GPR158: variants seen among roughly 807,000 people sequenced by gnomAD.
GPR158 encodes the protein metabotropic glycine receptor.
A neutral mutation model predicts 78.2 loss-of-function variants in GPR158; 30 were observed. That is an observed-to-expected ratio of 0.38 (90% CI 0.29 to 0.52). The LOEUF (loss-of-function observed/expected upper bound fraction) is 0.52. Among genes scored for constraint, GPR158 ranks in the 20% least tolerant of loss-of-function variants. GPR158 has a pLI of 0.83. For missense variants in GPR158, 1,463 were observed against 1,523.5 expected (o/e 0.96, Z 0.66); for synonymous variants, 581 against 591.1 (o/e 0.98, Z 0.25).
rs796769627 is a variant in GPR158, at chr10:25,387,556, C to A, written c.1009-8355C>A. On this transcript the variant is annotated intron_variant, in intron 2 of 10. Coordinates refer to ENST00000376351, the MANE Select transcript of GPR158 (RefSeq NM_020752.3). ...TTTGAGACAGGGTGTTGCTCTGTCACCCAGGCTGGAGTGCAGTGGCATGAT... is the reference window on the plus strand; with the variant it reads ...TTTGAGACAGGGTGTTGCTCTGTCAACCAGGCTGGAGTGCAGTGGCATGAT... 3.3e-5 allele frequency among the ~76,000 whole-genome samples: 5 copies of A among 149,698 alleles called. No individual in the cohort carries two copies. In the South Asian group the frequency reaches 8.4e-4, roughly 25 times the overall value.
chr10:25,530,075 G>C (rs569525755), intron 5 of GPR158, among the ~76,000 whole-genome samples: 1 of 152,092 alleles, frequency 6.6e-6, no homozygotes, highest in Non-Finnish European at 1.5e-5. Context: ...CTTCTTATAG[G>C]TTGTAGGTGG....
chr10:25,196,621 T>C (rs942142986), intron 1 of GPR158, among the ~76,000 whole-genome samples: 1 of 152,248 alleles, frequency 6.6e-6, no homozygotes. Flanking sequence ...GCCTTGACTA[T>C]TGGGCTTCTT....
intron 3 of GPR158, among the ~76,000 whole-genome samples, chr10:25,405,242 T>C (rs142562797): frequency 6.0e-5 from 9 of 150,684 alleles, no homozygotes; most frequent in African/African-American, 2.0e-4. Flanking sequence ...AGAAATAACA[T>C]TTTCTAGTAA....
In GPR158 at chr10:25,598,187, G is replaced by A. The variant is rs141063177; in HGVS notation, c.2561G>A (p.Gly854Asp). The change falls in exon 11 of 11, where the codon GGT (glycine) becomes GAT (aspartate). Residue 854 changes from glycine to aspartate, a missense_variant. Transcript: ENST00000376351. ...TENSTLESLS[G>D]KKLTQKLKED... ...AATTCCACACTGGAATCCCTGTCGG[G>A]TAAAAAACTAACACAAAAACTAAAA... 344 of 1,614,114 alleles carry A rather than the reference G, an allele frequency of 2.1e-4. No homozygotes were observed. In the African/African-American group the frequency reaches 3.2e-3, roughly 15 times the overall value.
chr10:25,306,308 T>A (rs7071606), intron 2 of GPR158, among the ~76,000 whole-genome samples: 30,804 of 152,162 alleles, frequency 0.2, 5,267 homozygotes, highest in African/African-American at 0.47. Flanking sequence ...CCTTAGTTTT[T>A]ACTTAGTACT....
At chr10:25,393,364 G>A (rs1189510054) in intron 2 of GPR158, among the ~76,000 whole-genome samples, 2 of 152,174 alleles carry the variant, frequency 1.3e-5, no homozygotes, top group Non-Finnish European at 2.9e-5. Flanking sequence ...GAATTCTAAT[G>A]TAGTCTTAGT....
At chr10:25,302,286 G>A (rs1448571708) in intron 2 of GPR158, among the ~76,000 whole-genome samples, 4 of 148,804 alleles carry the variant, frequency 2.7e-5, no homozygotes, top group African/African-American at 9.9e-5. Flanking sequence ...GAGTTTCACC[G>A]TGTTAGCCAG....
intron 2 of GPR158, among the ~76,000 whole-genome samples, chr10:25,351,794 T>C (rs1183041521): frequency 1.3e-5 from 2 of 151,064 alleles, no homozygotes; most frequent in Non-Finnish European, 2.9e-5. Context: ...GCAGGTTTGT[T>C]TCATAGGTAA....
rs529828482 is a variant in GPR158, at chr10:25,367,945, T to A, written c.1009-27966T>A. Among the ~76,000 whole-genome samples, 6 of 151,992 alleles carry A rather than the reference T, an allele frequency of 3.9e-5. No homozygotes were observed. The South Asian group carries it at 1.0e-3, about 26-fold the overall frequency. The stretch of plus-strand genomic sequence containing the variant: ...TTTTCAGTGATTGTAATAAACAGGC[T>A]GGATTTCCAATTGCCTGAGGGCTGC... On this transcript the variant is annotated intron_variant, in intron 2 of 10. Transcript: ENST00000376351.
chr10:25,204,958 A>G (rs1202443456), intron 1 of GPR158, among the ~76,000 whole-genome samples: 1 of 151,502 alleles, frequency 6.6e-6, no homozygotes, highest in Non-Finnish European at 1.5e-5. Context: ...CCAGTGGGAG[A>G]TAATTGAATC....
chr10:25,369,993 T>C (rs1183492363), intron 2 of GPR158, among the ~76,000 whole-genome samples: 1 of 146,710 alleles, frequency 6.8e-6, no homozygotes, highest in African/African-American at 2.5e-5. Flanking sequence ...AGTTTGTATT[T>C]CTGTGGGATC....
intron 5 of GPR158, among the ~76,000 whole-genome samples, chr10:25,497,238 G>T (rs941480013): frequency 6.6e-6 from 1 of 152,174 alleles, no homozygotes; most frequent in South Asian, 2.1e-4. Context: ...AATCCCAGGA[G>T]ATGCTCTTTG....
chr10:25,321,646 TAAACAAACAAAC>T (rs34697786), intron 2 of GPR158, among the ~76,000 whole-genome samples: 2,865 of 150,062 alleles, frequency 0.019, 76 homozygotes, highest in African/African-American at 0.057. Context: ...TCCTTTAAAA[TAAACAAACAAAC>T]AAACAAACAA....
chr10:25,502,436 A>C (rs1835954521), intron 5 of GPR158, among the ~76,000 whole-genome samples: 1 of 152,116 alleles, frequency 6.6e-6, no homozygotes. Context: ...GTCATTTAGA[A>C]CCACATTCAC....
intron 2 of GPR158, among the ~76,000 whole-genome samples, chr10:25,356,985 T>G (rs999061410): frequency 1.3e-5 from 2 of 152,056 alleles, no homozygotes; most frequent in African/African-American, 4.8e-5. Flanking sequence ...AATAATGATA[T>G]GAACAATAAG....
intron 6 of GPR158, among the ~76,000 whole-genome samples, chr10:25,554,334 G>A (rs10828823): frequency 0.095 from 14,399 of 152,164 alleles, 1,353 homozygotes; most frequent in East Asian, 0.47. Context: ...ATAGTCCCTT[G>A]AGGATAGGAC....
chr10:25,269,419 T>C (rs1473075186), intron 2 of GPR158, among the ~76,000 whole-genome samples: 1 of 152,196 alleles, frequency 6.6e-6, no homozygotes, highest in Non-Finnish European at 1.5e-5. Context: ...TTGTTAATCC[T>C]ATGTTAGTTG....
At chr10:25,293,153 C>T (rs188629074) in intron 2 of GPR158, among the ~76,000 whole-genome samples, 11 of 152,306 alleles carry the variant, frequency 7.2e-5, no homozygotes, top group Non-Finnish European at 2.9e-5. Flanking sequence ...GCAAAAGTTA[C>T]CTCCTTTATA....
At chr10:25,323,082 T>C (rs1360973332) in intron 2 of GPR158, among the ~76,000 whole-genome samples, 3 of 152,088 alleles carry the variant, frequency 2.0e-5, no homozygotes, top group Non-Finnish European at 2.9e-5. Flanking sequence ...CCTGACCTTG[T>C]GATCTGCCTG....
Sources: gnomAD v4.1 joint callset for allele counts (sites outside exome capture counted in the v4.1 genomes callset) on GRCh38, gnomAD v4.1.1 for gene constraint, MANE v1.5 for transcripts, NCBI Gene and HGNC (gene_info 2026-07-23, HGNC 2026-07-21) for gene names.